Variants in GMDS observed in about 807,000 individuals in gnomAD.
GMDS encodes GDP-mannose 4,6 dehydratase.
In GMDS, 20 loss-of-function variants were observed where a neutral mutation model predicts 49.9. That is an observed-to-expected ratio of 0.40 (90% CI 0.28 to 0.58). GMDS has a LOEUF of 0.58. GMDS is among the 20% of genes least tolerant of loss of function. The pLI is 0.42. For missense variants in GMDS, 362 were observed against 481.4 expected, an observed-to-expected ratio of 0.75 and a Z score of 2.32; for synonymous variants, 177 against 178.6, an observed-to-expected ratio of 0.99 and a Z score of 0.07.
intron 7 of GMDS, among the ~76,000 whole-genome samples, chr6:1,757,796 T>C (rs1048971579): frequency 1.3e-5 from 2 of 152,176 alleles, no homozygotes; most frequent in Non-Finnish European, 2.9e-5. Flanking sequence ...CACTGCCCAA[T>C]AGAAATATAA....
At chr6:1,674,224 T>C (rs887390397) in intron 9 of GMDS, among the ~76,000 whole-genome samples, 13 of 152,158 alleles carry the variant, frequency 8.5e-5, no homozygotes, top group African/African-American at 2.9e-4. Flanking sequence ...TCTAATAGGA[T>C]TGTAGTGGTA....
intron 1 of GMDS, among the ~76,000 whole-genome samples, chr6:2,226,011 A>G (rs1390822777): frequency 6.6e-6 from 1 of 152,150 alleles, no homozygotes; most frequent in Non-Finnish European, 1.5e-5. Context: ...AACCTAAGAA[A>G]AGAAAAAAAG....
chr6:1,840,693 G>C (rs768849599), intron 7 of GMDS, among the ~76,000 whole-genome samples: 1 of 152,220 alleles, frequency 6.6e-6, no homozygotes, highest in Non-Finnish European at 1.5e-5. Flanking sequence ...GGAGCACTGA[G>C]TGGAGACCGG....
chr6:1,743,368 C>T (rs912138512), intron 7 of GMDS, among the ~76,000 whole-genome samples: 10 of 141,182 alleles, frequency 7.1e-5, no homozygotes, highest in African/African-American at 2.5e-4. Flanking sequence ...GGGGAAACCC[C>T]GTCTCTACTA....
intron 7 of GMDS, among the ~76,000 whole-genome samples, chr6:1,762,054 C>G (rs1375486738): frequency 1.3e-5 from 2 of 152,066 alleles, no homozygotes; most frequent in Non-Finnish European, 2.9e-5. Context: ...CAGAAAAAGC[C>G]GAGAAGCACA....
chr6:1,744,723 G>T (rs1561775491), intron 7 of GMDS, among the ~76,000 whole-genome samples: 1 of 152,230 alleles, frequency 6.6e-6, no homozygotes, highest in Non-Finnish European at 1.5e-5. Context: ...GTGAGCAGCT[G>T]CTCCTTGTAG....
intron 9 of GMDS, among the ~76,000 whole-genome samples, chr6:1,686,327 C>T (rs780502018): frequency 2.0e-5 from 3 of 152,178 alleles, no homozygotes; most frequent in Non-Finnish European, 4.4e-5. Context: ...CTTAAGTATG[C>T]AATCAGGGAA....
intron 9 of GMDS, among the ~76,000 whole-genome samples, chr6:1,630,122 T>C (rs1052554123): frequency 6.6e-5 from 10 of 152,180 alleles, no homozygotes; most frequent in Non-Finnish European, 1.5e-4. Context: ...ACAAGAATTG[T>C]AGTTAAGCAA....
At chr6:1,779,451 T>C (rs1230835483) in intron 7 of GMDS, among the ~76,000 whole-genome samples, 2 of 152,092 alleles carry the variant, frequency 1.3e-5, no homozygotes, top group Admixed American at 1.3e-4. Flanking sequence ...CAGATAAAGG[T>C]AACTGTGTGT....
At chr6:1,653,850 A>C (rs1303316840) in intron 9 of GMDS, among the ~76,000 whole-genome samples, 1 of 152,372 alleles carries the variant, frequency 6.6e-6, no homozygotes, top group East Asian at 1.9e-4. Flanking sequence ...AAACTCTGAG[A>C]AGAAAACAGG....
In GMDS at chr6:2,134,263, G is replaced by C. The variant is rs375740791; in HGVS notation, c.103-9532C>G. On this transcript the variant is annotated intron_variant, in intron 1 of 10. Coordinates refer to ENST00000380815, the MANE Select transcript of GMDS (RefSeq NM_001500.4). ...TCTATAGGACTAATGCTTTTAGGTT[G>C]TTCTTTATTTTGTTGCTTTGCTTTC... Among the ~76,000 whole-genome samples the C allele has an allele frequency of 1.8e-4, 27 of 152,336 alleles. 2 individuals are homozygous for C. The South Asian group carries it at 5.4e-3, about 30-fold the overall frequency.
intron 7 of GMDS, among the ~76,000 whole-genome samples, chr6:1,749,605 A>T (rs1749361460): frequency 6.6e-6 from 1 of 151,986 alleles, no homozygotes; most frequent in Admixed American, 6.5e-5. Flanking sequence ...AAAAAAAATT[A>T]AACATAAAAA....
chr6:1,844,374 T>C lies in GMDS; in HGVS notation c.771+85729A>G, dbSNP rs181907718. Among the ~76,000 whole-genome samples, 285 of 152,348 alleles carry C rather than the reference T, an allele frequency of 1.9e-3. 1 individual carries two copies. Among genetic ancestry groups the C allele is most frequent in the African/African-American group, 6.6e-3 (276 of 41,574 alleles). ...ATGTACTTGGATTGTACATTTAATG[T>C]TGTGATTTGGTCTTTAAAAATAGTA... On this transcript the variant is annotated intron_variant, in intron 7 of 10. Coordinates refer to ENST00000380815, the MANE Select transcript of GMDS (RefSeq NM_001500.4).
intron 1 of GMDS, chr6:2,176,037 T>A: frequency 6.6e-7 from 1 of 1,521,630 alleles, no homozygotes; most frequent in Non-Finnish European, 8.8e-7. Flanking sequence ...TGCTTTACTG[T>A]CAAGAGGCTG....
chr6:1,816,081 G>A (rs1490884677), intron 7 of GMDS, among the ~76,000 whole-genome samples: 3 of 152,242 alleles, frequency 2.0e-5, no homozygotes, highest in African/African-American at 4.8e-5. Context: ...TGAGGGCGCT[G>A]AGCCAAGTTG....
chr6:2,076,930 C>A (rs1258659055), intron 4 of GMDS, among the ~76,000 whole-genome samples: 1 of 152,162 alleles, frequency 6.6e-6, no homozygotes, highest in African/African-American at 2.4e-5. Context: ...TCTTTTGATT[C>A]ATGAGCATGG....
chr6:2,164,008 C>CT (rs1777539078), intron 1 of GMDS, among the ~76,000 whole-genome samples: 1 of 152,186 alleles, frequency 6.6e-6, no homozygotes, highest in South Asian at 2.1e-4. Context: ...TTCATTCTTC[C>CT]TAATAAGCCT....
Position 1,898,374 on chromosome 6 carries a change from T to C in GMDS, c.771+31729A>G, listed in dbSNP as rs1343937137. On this transcript the variant is annotated intron_variant, in intron 7 of 10. Coordinates refer to ENST00000380815, the MANE Select transcript of GMDS (RefSeq NM_001500.4). ...TAGAAACTGCCTAGTTGAGTCTCTT[T>C]AAGATGAGGAAACTCATGCTTGCAG... Among the ~76,000 whole-genome samples the C allele has an allele frequency of 2.0e-5, 3 of 152,258 alleles. 1 individual carries two copies. Among genetic ancestry groups the C allele is most frequent in the African/African-American group, 7.2e-5 (3 of 41,480 alleles).
chr6:2,183,439 C>T (rs1400616290), intron 1 of GMDS, among the ~76,000 whole-genome samples: 1 of 152,190 alleles, frequency 6.6e-6, no homozygotes, highest in African/African-American at 2.4e-5. Flanking sequence ...GACTGAATTG[C>T]TGCAATATCA....
Sources: allele counts gnomAD v4.1 joint callset (sites outside exome capture counted in the v4.1 genomes callset), GRCh38; gene constraint gnomAD v4.1.1; transcripts MANE v1.5; gene names NCBI Gene and HGNC (gene_info 2026-07-23, HGNC 2026-07-21).